The following LCE1B variants were observed in gnomAD, a reference collection of about 807,000 sequenced individuals.
LCE1B encodes the protein late cornified envelope 1B.
For missense variants in LCE1B, 151 were observed against 147.2 expected (o/e 1.03, Z -0.14); for synonymous variants, 56 against 55.9 (o/e 1.00, Z -0.01).
rs757549898 is a variant in LCE1B, at chr1:152,812,475, G to C, written c.29G>C (p.Cys10Ser). MSCQQNQQQCQPPPKCIPKC... is the reference protein window; with the variant it reads MSCQQNQQQSQPPPKCIPKC... ...TCCTGCCAGCAGAACCAGCAGCAGT[G>C]CCAGCCCCCTCCCAAGTGCATCCCC... Residue 10 changes from cysteine (C) to serine (S), a missense_variant, in exon 1 of 1, where the codon TGC (cysteine) becomes TCC (serine). Cys to Ser is a moderately radical substitution (Grantham distance 112). Coordinates refer to ENST00000360090, the MANE Select transcript of LCE1B (RefSeq NM_178349.2). 2 of 1,614,094 alleles carry C rather than the reference G, an allele frequency of 1.2e-6. No homozygotes were observed. Among genetic ancestry groups the C allele is most frequent in the Admixed American group, 3.3e-5 (2 of 60,000 alleles).
Position 152,812,647 on chromosome 1 carries a change from C to T in LCE1B, c.201C>T (p.Cys67=). The part of the protein sequence containing the change: ...GGSCGSSSGG[C]CSSGGGGCCL... ...GCTGTGGCTCCAGCTCTGGGGGTTG[C>T]TGCAGTTCTGGGGGAGGTGGCTGCT... is the stretch of plus-strand genomic sequence containing the variant. Residue 67 remains cysteine, a synonymous_variant, in exon 1 of 1, where the codon TGC becomes TGT. Transcript: ENST00000360090. The T allele has an allele frequency of 6.2e-7, 1 of 1,614,112 alleles. No individual in the cohort carries two copies. The highest frequency in any genetic ancestry group is 8.5e-7 in the Non-Finnish European group (1 of 1,180,024).
Position 152,812,497 on chromosome 1 carries a change from C to T in LCE1B, c.51C>T (p.Ile17=). ...AGTGCCAGCCCCCTCCCAAGTGCATCCCCAAGTGCCCTCCCAAGTGCCTCA... is the reference window on the plus strand; with the variant it reads ...AGTGCCAGCCCCCTCCCAAGTGCATTCCCAAGTGCCCTCCCAAGTGCCTCA... ...QQQCQPPPKC[I]PKCPPKCLTP... The change falls in exon 1 of 1, where the codon ATC becomes ATT. Residue 17 remains isoleucine (I), a synonymous_variant. Transcript: ENST00000360090. 1.9e-6 allele frequency: 3 copies of T among 1,614,108 alleles called. No individual in the cohort carries two copies. The highest frequency in any genetic ancestry group is 1.6e-4 in the Middle Eastern group (1 of 6,062).
At position 152,812,749 on chromosome 1, in the gene LCE1B, G is replaced by C. The variant is rs371702733; in HGVS notation, c.303G>C (p.Gly101=). ...CTGGCTGCTGCAGCCAGCCCTCCGG[G>C]GGCTCCAGCTGCTGTGGAGGAGGGA... ...QSSGCCSQPS[G]GSSCCGGGSG... The change falls in exon 1 of 1, where the codon GGG becomes GGC. Residue 101 remains glycine (G), a synonymous_variant. Coordinates refer to ENST00000360090, the MANE Select transcript of LCE1B (RefSeq NM_178349.2). 1.1e-5 allele frequency: 18 copies of C among 1,613,560 alleles called. No homozygotes were observed. In the East Asian group the frequency reaches 2.5e-4, roughly 22 times the overall value.
chr1:152,812,690 C>T lies in LCE1B; in HGVS notation c.244C>T (p.Arg82Cys), dbSNP rs746468932. The change falls in exon 1 of 1, where the codon CGC (arginine) becomes TGC (cysteine). Residue 82 changes from arginine to cysteine, a missense_variant. Coordinates refer to ENST00000360090, the MANE Select transcript of LCE1B (RefSeq NM_178349.2). The part of the protein sequence containing the change: ...GGGCCLSHHR[R>C]RRSHCHRPQS... ...TGGCTGCTGCCTGAGCCACCACAGG[C>T]GCCGTAGGTCCCACTGCCACAGACC... The T allele has an allele frequency of 3.7e-5, 59 of 1,614,030 alleles. No individual in the cohort carries two copies. In the East Asian group the frequency reaches 5.3e-4, roughly 15 times the overall value.
Position 152,812,848 on chromosome 1 carries a change from C to T in LCE1B, c.*45C>T, listed in dbSNP as rs528288599. 7.2e-6 allele frequency: 11 copies of T among 1,530,476 alleles called. No individual in the cohort carries two copies. The African/African-American group carries it at 1.4e-4, about 19-fold the overall frequency. 94.8% of individuals were successfully genotyped at this position (1,530,476 alleles called of 1,614,324 possible). ...AGAACACAAATGGCCAAATATTTCC[C>T]TTCCGTCTTCCTTCTCCTTCTGGGC... On this transcript the variant is annotated 3_prime_UTR_variant, in exon 1 of 1. Coordinates refer to ENST00000360090, the MANE Select transcript of LCE1B (RefSeq NM_178349.2).
chr1:152,812,770 A>G lies in LCE1B; in HGVS notation c.324A>G (p.Gly108=), dbSNP rs774487757. ...QPSGGSSCCG[G]GSGQHSGGCC is the part of the protein sequence containing the mutation. ...CCGGGGGCTCCAGCTGCTGTGGAGG[A>G]GGGAGTGGCCAGCACTCTGGAGGCT... The change falls in exon 1 of 1, where the codon GGA becomes GGG. Residue 108 remains glycine, a synonymous_variant. Coordinates refer to ENST00000360090, the MANE Select transcript of LCE1B (RefSeq NM_178349.2). The G allele has an allele frequency of 3.1e-6, 5 of 1,612,254 alleles. No individual in the cohort carries two copies. In the South Asian group the frequency reaches 5.5e-5, roughly 18 times the overall value.
At position 152,812,998 on chromosome 1, in the gene LCE1B, G is replaced by A. The variant is rs550273742; in HGVS notation, c.*195G>A. The A allele has an allele frequency of 2.2e-4, 150 of 669,850 alleles. 1 individual carries two copies. The East Asian group carries it at 2.6e-3, about 12-fold the overall frequency. The allele number at this position is 669,850 out of a possible 1,614,324, so 41.5% of individuals were successfully genotyped here. On this transcript the variant is annotated 3_prime_UTR_variant, in exon 1 of 1. Transcript: ENST00000360090. ...AAGCCATTTAATGACCTCAGTTTGC[G>A]TATGTGTGGTTGCTCTGGGAAGCCC...
chr1:152,812,443 C>T lies in LCE1B; in HGVS notation c.-4C>T. The T allele has an allele frequency of 6.2e-7, 1 of 1,613,766 alleles. No individual in the cohort carries two copies. The highest frequency in any genetic ancestry group is 2.2e-5 in the East Asian group (1 of 44,860). The stretch of plus-strand genomic sequence containing the variant: ...TCTCTCAGCTCCTGAACACCCGCAC[C>T]AAGATGTCCTGCCAGCAGAACCAGC... On this transcript the variant is annotated 5_prime_UTR_variant, in exon 1 of 1. Transcript: ENST00000360090.
chr1:152,812,439 G>A lies in LCE1B; in HGVS notation c.-8G>A, dbSNP rs112142118. Reference sequence around the variant, plus strand: ...ACTCTCTCTCAGCTCCTGAACACCCGCACCAAGATGTCCTGCCAGCAGAAC... The same window carrying A: ...ACTCTCTCTCAGCTCCTGAACACCCACACCAAGATGTCCTGCCAGCAGAAC... On this transcript the variant is annotated 5_prime_UTR_variant, in exon 1 of 1. Transcript: ENST00000360090. The A allele has an allele frequency of 3.8e-5, 62 of 1,613,146 alleles. No homozygotes were observed. The highest frequency in any genetic ancestry group is 2.9e-4 in the African/African-American group (22 of 74,976).
rs765207298 is a variant in LCE1B at position 152,812,819 on chromosome 1, TAGA to T, written c.*21_*23del. On this transcript the variant is annotated 3_prime_UTR_variant, in exon 1 of 1. Coordinates refer to ENST00000360090, the MANE Select transcript of LCE1B (RefSeq NM_178349.2). ...CTGCTGCTAAAGTGGATCCTGAGCCTAGAAGAACACAAATGGCCAAATATTTCC... is the reference window on the plus strand; with the variant it reads ...CTGCTGCTAAAGTGGATCCTGAGCCTAGAACACAAATGGCCAAATATTTCC... 1.1e-5 allele frequency: 17 copies of T among 1,565,536 alleles called. No homozygotes were observed. Among genetic ancestry groups the T allele is most frequent in the Non-Finnish European group, 1.5e-5 (17 of 1,159,078 alleles).
In LCE1B at chr1:152,812,353, T is replaced by C; in HGVS notation, c.-94T>C. ...TTCATCAAAATGTAGGGATTAGAAA[T>C]GATGCTGAAAGGGCAAGAATAGGCC... On this transcript the variant is annotated 5_prime_UTR_variant, in exon 1 of 1. An upstream start codon of the reference 5' UTR is lost. Transcript: ENST00000360090. 8.6e-7 allele frequency: 1 copy of C among 1,159,942 alleles called. No individual in the cohort carries two copies. The highest frequency in any genetic ancestry group is 2.3e-5 in the East Asian group (1 of 42,886). 71.9% of individuals were successfully genotyped at this position (1,159,942 alleles called of 1,614,324 possible). A position where few individuals can be genotyped will look rare whatever the true frequency, so the allele number is the denominator to read the frequency against.
chr1:152,812,368 A>G lies in LCE1B; in HGVS notation c.-79A>G. On this transcript the variant is annotated 5_prime_UTR_variant, in exon 1 of 1. Coordinates refer to ENST00000360090, the MANE Select transcript of LCE1B (RefSeq NM_178349.2). ...GGATTAGAAATGATGCTGAAAGGGC[A>G]AGAATAGGCCGGGGTGGCCTCTACC... The G allele has an allele frequency of 7.5e-7, 1 of 1,339,610 alleles. No homozygotes were observed. Among genetic ancestry groups the G allele is most frequent in the Non-Finnish European group, 1.1e-6 (1 of 931,314 alleles). 83.0% of individuals were successfully genotyped at this position (1,339,610 alleles called of 1,614,324 possible).
In LCE1B at chr1:152,812,771, G is replaced by A. The variant is rs1232962174; in HGVS notation, c.325G>A (p.Gly109Arg). The A allele has an allele frequency of 6.2e-7, 1 of 1,611,774 alleles. No homozygotes were observed. The highest frequency in any genetic ancestry group is 2.2e-5 in the East Asian group (1 of 44,866). ...CGGGGGCTCCAGCTGCTGTGGAGGA[G>A]GGAGTGGCCAGCACTCTGGAGGCTG... ...PSGGSSCCGG[G>R]SGQHSGGCC is the part of the protein sequence containing the mutation. Residue 109 changes from glycine to arginine, a missense_variant, in exon 1 of 1, where the codon GGG (glycine) becomes AGG (arginine). By Grantham distance (125) the Gly-to-Arg change is moderately radical. Coordinates refer to ENST00000360090, the MANE Select transcript of LCE1B (RefSeq NM_178349.2).
At position 152,812,642 on chromosome 1, in the gene LCE1B, G is replaced by A. The variant is rs1375480514; in HGVS notation, c.196G>A (p.Gly66Ser). 2.5e-6 allele frequency: 4 copies of A among 1,614,006 alleles called. No individual in the cohort carries two copies. Among genetic ancestry groups the A allele is most frequent in the African/African-American group, 1.3e-5 (1 of 74,892 alleles). Residue 66 changes from glycine (G) to serine (S), a missense_variant, in exon 1 of 1, where the codon GGT becomes AGT. Gly to Ser is a moderately conservative substitution (Grantham distance 56). Coordinates refer to ENST00000360090, the MANE Select transcript of LCE1B (RefSeq NM_178349.2). ...SGGSCGSSSG[G>S]CCSSGGGGCC... ...GGGAAGCTGTGGCTCCAGCTCTGGG[G>A]GTTGCTGCAGTTCTGGGGGAGGTGG...
rs1652539193 is a variant in LCE1B at position 152,812,923 on chromosome 1, G to C, written c.*120G>C. The C allele has an allele frequency of 4.1e-6, 5 of 1,229,484 alleles. No individual in the cohort carries two copies. The highest frequency in any genetic ancestry group is 1.5e-5 in the African/African-American group (1 of 65,706). 76.2% of individuals were successfully genotyped at this position (1,229,484 alleles called of 1,614,324 possible). ...GGTGAGGGCTCAACTCAAGCATAGA[G>C]GATTCTTCTGTCTTGGAGTTCAGAG... On this transcript the variant is annotated 3_prime_UTR_variant, in exon 1 of 1. Coordinates refer to ENST00000360090, the MANE Select transcript of LCE1B (RefSeq NM_178349.2).
rs867623296 is a variant in LCE1B at position 152,812,426 on chromosome 1, C to T, written c.-21C>T. On this transcript the variant is annotated 5_prime_UTR_variant, in exon 1 of 1. Transcript: ENST00000360090. ...AACTTGCTGTCTGACTCTCTCTCAG[C>T]TCCTGAACACCCGCACCAAGATGTC... 1.1e-5 allele frequency: 18 copies of T among 1,610,594 alleles called. No homozygotes were observed. The Middle Eastern group carries it at 2.5e-3, about 221-fold the overall frequency.
In LCE1B at chr1:152,812,382, G is replaced by A. The variant is rs1652519507; in HGVS notation, c.-65G>A. ...GCTGAAAGGGCAAGAATAGGCCGGG[G>A]TGGCCTCTACCTGGGTCTAACTTGC... On this transcript the variant is annotated 5_prime_UTR_variant, in exon 1 of 1. The change creates a new upstream start codon in the 5' untranslated region. Coordinates refer to ENST00000360090, the MANE Select transcript of LCE1B (RefSeq NM_178349.2). 4 of 1,452,626 alleles carry A rather than the reference G, an allele frequency of 2.8e-6. No individual in the cohort carries two copies. The highest frequency in any genetic ancestry group is 2.3e-5 in the South Asian group (2 of 87,638). 90.0% of individuals were successfully genotyped at this position (1,452,626 alleles called of 1,614,324 possible).
chr1:152,812,771 G>T lies in LCE1B; in HGVS notation c.325G>T (p.Gly109Trp). The part of the protein sequence containing the change: ...PSGGSSCCGG[G>W]SGQHSGGCC ...CGGGGGCTCCAGCTGCTGTGGAGGAGGGAGTGGCCAGCACTCTGGAGGCTG... is the reference window on the plus strand; with the variant it reads ...CGGGGGCTCCAGCTGCTGTGGAGGATGGAGTGGCCAGCACTCTGGAGGCTG... Residue 109 changes from glycine (G) to tryptophan (W), a missense_variant, in exon 1 of 1, where the codon GGG (glycine) becomes TGG (tryptophan). Physicochemically the swap from Gly to Trp is radical, Grantham distance 184 (BLOSUM62 -2). Transcript: ENST00000360090. 1 of 1,611,894 alleles carries T rather than the reference G, an allele frequency of 6.2e-7. No individual in the cohort carries two copies.
chr1:152,812,213 T>C lies in LCE1B; in HGVS notation c.-234T>C, dbSNP rs1652515448. The C allele has an allele frequency of 1.8e-6, 1 of 563,156 alleles. No individual in the cohort carries two copies. Among genetic ancestry groups the C allele is most frequent in the Non-Finnish European group, 3.2e-6 (1 of 312,860 alleles). The allele number at this position is 563,156 out of a possible 1,614,324, so 34.9% of individuals were successfully genotyped here. ...TAAAATAGTTGAAAATGCTTTATGATTTTATAAGTATATAAAAAGCATTAG... is the reference window on the plus strand; with the variant it reads ...TAAAATAGTTGAAAATGCTTTATGACTTTATAAGTATATAAAAAGCATTAG... On this transcript the variant is annotated 5_prime_UTR_variant, in exon 1 of 1. Coordinates refer to ENST00000360090, the MANE Select transcript of LCE1B (RefSeq NM_178349.2).
Sources: gnomAD v4.1 joint callset for allele counts on GRCh38, gnomAD v4.1.1 for gene constraint, MANE v1.5 for transcripts, NCBI Gene and HGNC (gene_info 2026-07-23, HGNC 2026-07-21) for gene names.